Variants in CECR2 observed in about 807,000 individuals in gnomAD.
CECR2 encodes CECR2 histone acetyl-lysine reader.
A neutral mutation model predicts 154.5 loss-of-function variants in CECR2; 30 were observed. The observed-to-expected ratio is 0.19, with a 90% CI of 0.15 to 0.26. The LOEUF is 0.26. Among genes scored for constraint, CECR2 ranks in the 10% least tolerant of loss-of-function variants. The probability of loss-of-function intolerance (pLI) is 1.00; values close to 1 mark genes in which losing one functional copy is unlikely to be tolerated. For synonymous variants in CECR2, 725 were observed against 683.7 expected, an observed-to-expected ratio of 1.06 and a Z score of -0.94; for missense variants, 1,743 against 1,829.3, an observed-to-expected ratio of 0.95 and a Z score of 0.86.
chr22:17,427,422 T>G (rs1448328257), intron 1 of CECR2, among the ~76,000 whole-genome samples: 2 of 152,166 alleles, frequency 1.3e-5, no homozygotes, highest in Non-Finnish European at 2.9e-5. Context: ...TCAGAATTGA[T>G]TCCTTCTGGT....
chr22:17,427,817 G>C (rs1479819250), intron 1 of CECR2, among the ~76,000 whole-genome samples: 1 of 152,138 alleles, frequency 6.6e-6, no homozygotes, highest in Non-Finnish European at 1.5e-5. Flanking sequence ...CTAGACAGAA[G>C]TTTTCCAAGT....
chr22:17,491,586 G>GGGGC (rs1555917494), intron 2 of CECR2, among the ~76,000 whole-genome samples: 1 of 123,962 alleles, frequency 8.1e-6, no homozygotes, highest in Non-Finnish European at 1.7e-5. Flanking sequence ...TGTGTGTGGG[G>GGGGC]GGGTGGGTGT....
intron 1 of CECR2, among the ~76,000 whole-genome samples, chr22:17,440,851 A>T (rs1447160529): frequency 6.6e-6 from 1 of 151,932 alleles, no homozygotes; most frequent in African/African-American, 2.4e-5. Flanking sequence ...TTAGTAACCA[A>T]ATGTTCAAGA....
intron 1 of CECR2, among the ~76,000 whole-genome samples, chr22:17,393,856 C>A (rs2053766475): frequency 6.6e-6 from 1 of 150,512 alleles, no homozygotes; most frequent in South Asian, 2.1e-4. Context: ...TTTGTATTTT[C>A]ATTATTGAGG....
chr22:17,447,033 C>CTGTTTTTCTTT (rs1339121774), intron 1 of CECR2, among the ~76,000 whole-genome samples: 1 of 114,110 alleles, frequency 8.8e-6, no homozygotes, highest in African/African-American at 3.8e-5. Context: ...CGTTTACAAT[C>CTGTTTTTCTTT]TTTTTTTTTT....
chr22:17,389,322 C>A (rs1601268166), intron 1 of CECR2, among the ~76,000 whole-genome samples: 1 of 152,088 alleles, frequency 6.6e-6, no homozygotes, highest in East Asian at 1.9e-4. Context: ...AATTTTGGTA[C>A]CATTCTCTTC....
In CECR2 at chr22:17,484,456, T is replaced by C. The variant is rs113804212; in HGVS notation, c.221+6774T>C. On this transcript the variant is annotated intron_variant, in intron 2 of 18. Coordinates refer to ENST00000262608, the MANE Select transcript of CECR2 (RefSeq NM_001290047.2). ...GTGACTGTGTCTTATTAGAACTTTC[T>C]AATCACTGAGGTTTGACTTTTGTAT... Among the ~76,000 whole-genome samples, 891 of 152,328 alleles carry C rather than the reference T, an allele frequency of 5.8e-3. 6 individuals carry two copies. Among genetic ancestry groups the C allele is most frequent in the Non-Finnish European group, 9.7e-3 (657 of 68,020 alleles).
At chr22:17,543,047 TGA>T in intron 16 of CECR2, 44 bp downstream of exon 16, 1 of 1,538,896 alleles carries the variant, frequency 6.5e-7, no homozygotes, top group South Asian at 1.3e-5. Context: ...TCTTGTTTCA[TGA>T]GTAATCTTTT....
Position 17,499,415 on chromosome 22 carries a change from G to A in CECR2, c.411G>A (p.Leu137=). Residue 137 remains leucine, a synonymous_variant, in exon 4 of 19, where the codon CTG becomes CTA. Transcript: ENST00000262608. ...CTTTTCCGTGCTCTGTGTAGGGCCT[G>A]GATGCAGACAGTCTCCGTGTGGAGC... is the stretch of plus-strand genomic sequence containing the variant. ...ADDVFDLLKG[L]DADSLRVEPL... The A allele has an allele frequency of 6.2e-7, 1 of 1,613,452 alleles. No individual in the cohort carries two copies. The highest frequency in any genetic ancestry group is 8.5e-7 in the Non-Finnish European group (1 of 1,179,640).
At chr22:17,502,965 C>T (rs1383441827) in intron 5 of CECR2, 117 bp from the exon 6 acceptor site, 3 of 805,842 alleles carry the variant, frequency 3.7e-6, no homozygotes, top group African/African-American at 1.7e-5. Flanking sequence ...GTCCCCTTAA[C>T]ACACACACAT....
At chr22:17,384,456 A>C (rs1244817307) in intron 1 of CECR2, among the ~76,000 whole-genome samples, 2 of 152,230 alleles carry the variant, frequency 1.3e-5, no homozygotes, top group Non-Finnish European at 2.9e-5. Flanking sequence ...TGCAGAATGG[A>C]TGTTGTGTCA....
rs1212316368 is a variant in CECR2 at position 17,554,262 on chromosome 22, A to G, written c.*1422A>G. On this transcript the variant is annotated 3_prime_UTR_variant, in exon 19 of 19. Transcript: ENST00000262608. The stretch of plus-strand genomic sequence containing the variant: ...TATTCCACAAAAGAAAAAACTAAGG[A>G]AAATACTGAAATTACAGGTCTTTGT... 1.3e-5 allele frequency: 2 copies of G among 152,238 alleles called. No homozygotes were observed. The highest frequency in any genetic ancestry group is 2.9e-5 in the Non-Finnish European group (2 of 68,042). 9.4% of individuals were successfully genotyped at this position (152,238 alleles called of 1,614,324 possible).
rs185905277 is a variant in CECR2 at position 17,488,009 on chromosome 22, A to G, written c.222-9394A>G. Among the ~76,000 whole-genome samples, 500 of 151,990 alleles carry G rather than the reference A, an allele frequency of 3.3e-3. 3 individuals carry two copies. Among genetic ancestry groups the G allele is most frequent in the African/African-American group, 0.011 (475 of 41,446 alleles). The stretch of plus-strand genomic sequence containing the variant: ...ATGATTCTTCTGCCTCTGCCTCCCA[A>G]GTAGCTGGGATTAAGGCACCCACCA... On this transcript the variant is annotated intron_variant, in intron 2 of 18. Coordinates refer to ENST00000262608, the MANE Select transcript of CECR2 (RefSeq NM_001290047.2).
At chr22:17,443,474 G>T (rs2054613504) in intron 1 of CECR2, among the ~76,000 whole-genome samples, 1 of 152,134 alleles carries the variant, frequency 6.6e-6, no homozygotes, top group African/African-American at 2.4e-5. Flanking sequence ...GGCAGATGGT[G>T]GAAAGGCACC....
At chr22:17,458,859 A>C (rs1292243209) in intron 1 of CECR2, among the ~76,000 whole-genome samples, 1 of 152,134 alleles carries the variant, frequency 6.6e-6, no homozygotes, top group East Asian at 1.9e-4. Context: ...ACCTAAGTCT[A>C]GGTACTTAGT....
At chr22:17,381,748 G>T (rs1158353040) in intron 1 of CECR2, among the ~76,000 whole-genome samples, 2 of 152,102 alleles carry the variant, frequency 1.3e-5, no homozygotes, top group Admixed American at 6.6e-5. Flanking sequence ...CCCAGTGAGC[G>T]ATAGGGAATA....
At chr22:17,365,152 A>T (rs1330379749), upstream of CECR2, among the ~76,000 whole-genome samples, 1 of 151,716 alleles carries the variant, frequency 6.6e-6, no homozygotes, top group Non-Finnish European at 1.5e-5. Context: ...TGAACCCAGG[A>T]GGCAGAGGTT....
chr22:17,533,873 C>T (rs1380091982), intron 9 of CECR2, among the ~76,000 whole-genome samples: 1 of 151,624 alleles, frequency 6.6e-6, no homozygotes, highest in Non-Finnish European at 1.5e-5. Flanking sequence ...TGCACCACCA[C>T]GCCTGGCTAA....
intron 9 of CECR2, among the ~76,000 whole-genome samples, chr22:17,524,652 A>G (rs2056225754): frequency 7.3e-6 from 1 of 137,218 alleles, no homozygotes; most frequent in Non-Finnish European, 1.5e-5. Context: ...TTGGCCTCCC[A>G]AAGTGCTGGG....
Sources: allele counts gnomAD v4.1 joint callset (sites outside exome capture counted in the v4.1 genomes callset), GRCh38; gene constraint gnomAD v4.1.1; transcripts MANE v1.5; gene names NCBI Gene and HGNC (gene_info 2026-07-23, HGNC 2026-07-21).